Variants in CCND3 observed in about 807,000 individuals in gnomAD.
CCND3 encodes the protein cyclin D3.
In CCND3, 9 loss-of-function variants were observed where a neutral mutation model predicts 28.7. The ratio of observed to expected loss-of-function variants is 0.31; its 90% confidence interval spans 0.19 to 0.55. The LOEUF (loss-of-function observed/expected upper bound fraction) is 0.55, where lower values mean the gene tolerates loss of function less well. Among genes scored for constraint, CCND3 ranks in the 20% least tolerant of loss-of-function variants. The pLI is 0.93. For missense variants in CCND3, 315 were observed against 385.8 expected (o/e 0.82, Z 1.54); for synonymous variants, 164 against 163.9 (o/e 1.00, Z 0.00).
chr6:41,976,391 C>T (rs992822876), intron 1 of CCND3, among the ~76,000 whole-genome samples: 4 of 151,980 alleles, frequency 2.6e-5, no homozygotes, highest in African/African-American at 9.7e-5. Flanking sequence ...ATAACACACA[C>T]CTGTTATTCC....
chr6:41,965,598 A>C (rs1290238904), intron 1 of CCND3, among the ~76,000 whole-genome samples: 1 of 152,094 alleles, frequency 6.6e-6, no homozygotes, highest in Non-Finnish European at 1.5e-5. Context: ...ATCCACATTT[A>C]AGGGGTAGGT....
intron 1 of CCND3, among the ~76,000 whole-genome samples, chr6:42,036,403 A>ATTT (rs57849655): frequency 0.024 from 744 of 31,352 alleles, 87 homozygotes; most frequent in East Asian, 0.051. Context: ...ATATATATAT[A>ATTT]TTTTTTTTTT....
chr6:41,989,054 A>G (rs1762577125), intron 1 of CCND3, among the ~76,000 whole-genome samples: 1 of 152,186 alleles, frequency 6.6e-6, no homozygotes, highest in Non-Finnish European at 1.5e-5. Flanking sequence ...GGCAATGTCA[A>G]AAGAATGAGA....
At chr6:42,027,943 T>C (rs1763930931) in intron 1 of CCND3, among the ~76,000 whole-genome samples, 1 of 152,094 alleles carries the variant, frequency 6.6e-6, no homozygotes, top group Non-Finnish European at 1.5e-5. Flanking sequence ...GACGGGGTTT[T>C]TCCACGTTGG....
At chr6:41,999,649 C>T (rs1021194103) in intron 1 of CCND3, among the ~76,000 whole-genome samples, 8 of 152,208 alleles carry the variant, frequency 5.3e-5, no homozygotes, top group Admixed American at 5.2e-4. Flanking sequence ...AATCCCAGCA[C>T]TTAGGGAAGC....
At chr6:41,957,999 TC>T (rs1415694909) in intron 1 of CCND3, among the ~76,000 whole-genome samples, 2 of 61,104 alleles carry the variant, frequency 3.3e-5, no homozygotes, top group Admixed American at 2.6e-4. Context: ...TTTATCTTTA[TC>T]TTTTTTTTTT....
intron 1 of CCND3, among the ~76,000 whole-genome samples, chr6:41,996,853 C>G (rs144923564): frequency 6.6e-6 from 1 of 151,750 alleles, no homozygotes; most frequent in Non-Finnish European, 1.5e-5. Flanking sequence ...TTAGTAGAGA[C>G]AGGATTTCAC....
chr6:41,989,278 GTGAAACCCCATCTCTAC>G lies in CCND3; in HGVS notation c.-45-48710_-45-48694del, dbSNP rs369501528. Reference sequence around the variant, plus strand: ...GTTCGAGATCGGCCTGGCCAACATGGTGAAACCCCATCTCTACTAAAAATACAAAAATTAGCTGGGTG... The same window carrying G: ...GTTCGAGATCGGCCTGGCCAACATGGTAAAAATACAAAAATTAGCTGGGTG... On this transcript the variant is annotated intron_variant, in intron 1 of 4. Coordinates refer to the CCND3 transcript ENST00000372988. Among the ~76,000 whole-genome samples the G allele has an allele frequency of 2.8e-3, 420 of 151,890 alleles. 1 individual carries two copies. Among genetic ancestry groups the G allele is most frequent in the African/African-American group, 9.7e-3 (401 of 41,490 alleles).
rs61433430 is a variant in CCND3 at position 41,967,786 on chromosome 6, G to C, written c.-45-27201C>G. On this transcript the variant is annotated intron_variant, in intron 1 of 4. Transcript: ENST00000372988. ...TGCAGAACCTGTTAACTATGCAGCTGCGTGATTCTTTCCCCAGTCCCCAGA... is the reference window on the plus strand; with the variant it reads ...TGCAGAACCTGTTAACTATGCAGCTCCGTGATTCTTTCCCCAGTCCCCAGA... Among the ~76,000 whole-genome samples the C allele has an allele frequency of 9.7e-3, 1,484 of 152,288 alleles. 29 individuals are homozygous for C. Among genetic ancestry groups the C allele is most frequent in the African/African-American group, 0.034 (1,421 of 41,544 alleles).
At chr6:41,994,640 G>T (rs958925064) in intron 1 of CCND3, among the ~76,000 whole-genome samples, 1 of 152,108 alleles carries the variant, frequency 6.6e-6, no homozygotes. Context: ...ATCAACGTAG[G>T]TTCATCACCT....
At chr6:41,996,392 C>T (rs1409838192) in intron 1 of CCND3, among the ~76,000 whole-genome samples, 1 of 151,472 alleles carries the variant, frequency 6.6e-6, no homozygotes, top group South Asian at 2.1e-4. Flanking sequence ...TCAAGTGATC[C>T]GCTCGCCTCG....
intron 1 of CCND3, among the ~76,000 whole-genome samples, chr6:42,018,762 A>T (rs568525847): frequency 1.1e-3 from 173 of 151,944 alleles, no homozygotes; most frequent in African/African-American, 3.7e-3. Context: ...ATGGTGGCAC[A>T]TGCCTGTAAT....
chr6:42,038,356 T>C (rs1764285523), intron 1 of CCND3, among the ~76,000 whole-genome samples: 1 of 151,894 alleles, frequency 6.6e-6, no homozygotes, highest in African/African-American at 2.4e-5. Flanking sequence ...CTGCGCAACA[T>C]GGCAAAACCC....
chr6:41,951,590 A>T (rs534153587), intron 1 of CCND3, among the ~76,000 whole-genome samples: 2 of 146,080 alleles, frequency 1.4e-5, no homozygotes, highest in Non-Finnish European at 3.0e-5. Flanking sequence ...AAAAAGATTA[A>T]GTGGGAGTAA....
intron 1 of CCND3, among the ~76,000 whole-genome samples, chr6:42,035,144 C>T (rs994280479): frequency 1.3e-5 from 2 of 152,166 alleles, no homozygotes; most frequent in African/African-American, 2.4e-5. Flanking sequence ...CTTCCTGGAG[C>T]ACAGGGCCTA....
intron 1 of CCND3, among the ~76,000 whole-genome samples, chr6:41,978,427 T>G (rs1488815976): frequency 1.3e-5 from 2 of 150,972 alleles, no homozygotes; most frequent in African/African-American, 4.9e-5. Flanking sequence ...TCCCAGCTAC[T>G]TGGGAGGCTG....
At chr6:41,960,078 T>A (rs948250842) in intron 1 of CCND3, among the ~76,000 whole-genome samples, 3 of 152,158 alleles carry the variant, frequency 2.0e-5, no homozygotes, top group African/African-American at 7.2e-5. Flanking sequence ...TGATGCATGC[T>A]ACAACACGGA....
intron 1 of CCND3, among the ~76,000 whole-genome samples, chr6:41,984,429 C>A (rs1762425268): frequency 6.6e-6 from 1 of 152,148 alleles, no homozygotes; most frequent in African/African-American, 2.4e-5. Flanking sequence ...TCACTGCAAC[C>A]TCCGCCCCCC....
At chr6:41,994,800 G>A (rs1192314610) in intron 1 of CCND3, among the ~76,000 whole-genome samples, 14 of 152,114 alleles carry the variant, frequency 9.2e-5, no homozygotes, top group African/African-American at 1.2e-4. Context: ...TAGGCCGGGC[G>A]CGGTGGCTTA....
Sources: allele counts gnomAD v4.1 joint callset (sites outside exome capture counted in the v4.1 genomes callset), GRCh38; gene constraint gnomAD v4.1.1; transcripts MANE v1.5; gene names NCBI Gene and HGNC (gene_info 2026-07-23, HGNC 2026-07-21).